Variants in UTRN observed in about 807,000 individuals in gnomAD.
UTRN encodes dystrophin-related protein 1.
UTRN carries 283 observed loss-of-function variants against 463.9 expected under a neutral mutation model. The observed-to-expected ratio is 0.61, with a 90% CI of 0.55 to 0.67. UTRN has a LOEUF of 0.67. Ranked by LOEUF, UTRN falls within the 30% of genes least tolerant of loss-of-function variation. UTRN has a pLI of 0.00. For synonymous variants in UTRN, 1,442 were observed against 1,431.5 expected (o/e 1.01, Z -0.17); for missense variants, 3,922 against 4,084.3 (o/e 0.96, Z 1.08).
At chr6:144,597,853 G>T (rs1803817038) in intron 51 of UTRN, among the ~76,000 whole-genome samples, 1 of 152,010 alleles carries the variant, frequency 6.6e-6, no homozygotes, top group East Asian at 1.9e-4. Flanking sequence ...AATCACATAT[G>T]GTGTGATTCT....
At chr6:144,790,361 A>C (rs1008842492) in intron 62 of UTRN, among the ~76,000 whole-genome samples, 7 of 152,202 alleles carry the variant, frequency 4.6e-5, no homozygotes, top group African/African-American at 1.7e-4. Context: ...AGGATGTTTG[A>C]TTATAGGCCC....
chr6:144,765,539 G>A (rs2128729739), intron 58 of UTRN, among the ~76,000 whole-genome samples: 1 of 152,222 alleles, frequency 6.6e-6, no homozygotes, highest in African/African-American at 2.4e-5. Flanking sequence ...TCAGCCTCCT[G>A]AGTAGCTGGG....
intron 63 of UTRN, 79 bp downstream of exon 63, chr6:144,794,070 C>T (rs1335025054): frequency 6.5e-7 from 1 of 1,537,554 alleles, no homozygotes; most frequent in East Asian, 2.3e-5. Context: ...GAATAGGGAA[C>T]TCGGGCTGGA....
chr6:144,701,254 G>A (rs369426367), intron 53 of UTRN, among the ~76,000 whole-genome samples: 6 of 151,288 alleles, frequency 4.0e-5, no homozygotes, highest in Middle Eastern at 6.8e-3. Flanking sequence ...AAAAGGCATC[G>A]AGTCATAAGG....
intron 65 of UTRN, among the ~76,000 whole-genome samples, chr6:144,808,020 G>A (rs1778294937): frequency 6.6e-6 from 1 of 152,072 alleles, no homozygotes; most frequent in South Asian, 2.1e-4. Flanking sequence ...AAAGTTAATG[G>A]TATGGATTTA....
intron 51 of UTRN, among the ~76,000 whole-genome samples, chr6:144,629,234 A>T (rs1324091993): frequency 6.6e-6 from 1 of 151,942 alleles, no homozygotes; most frequent in Non-Finnish European, 1.5e-5. Context: ...CATAGTTTAA[A>T]AAAAAAAAGC....
intron 60 of UTRN, among the ~76,000 whole-genome samples, chr6:144,781,009 C>T (rs1193515836): frequency 6.6e-6 from 1 of 152,152 alleles, no homozygotes; most frequent in East Asian, 1.9e-4. Flanking sequence ...CAGAAATTTG[C>T]GTATTCCTCT....
chr6:144,777,482 G>C (rs1232022810), intron 60 of UTRN, among the ~76,000 whole-genome samples: 2 of 152,140 alleles, frequency 1.3e-5, no homozygotes, highest in African/African-American at 4.8e-5. Context: ...CCCCATAATT[G>C]TAAGAGGATG....
At chr6:144,792,471 C>T (rs528227300) in intron 62 of UTRN, among the ~76,000 whole-genome samples, 3 of 152,054 alleles carry the variant, frequency 2.0e-5, no homozygotes, top group East Asian at 1.9e-4. Flanking sequence ...TGCTTGAACC[C>T]GGTAGGTGGA....
At chr6:144,434,939 C>G (rs914276961) in intron 9 of UTRN, among the ~76,000 whole-genome samples, 2 of 152,138 alleles carry the variant, frequency 1.3e-5, no homozygotes, top group African/African-American at 4.8e-5. Flanking sequence ...GCACAGTTAT[C>G]ATCAAAAATA....
intron 52 of UTRN, among the ~76,000 whole-genome samples, chr6:144,691,847 AT>A (rs1783450406): frequency 6.6e-6 from 1 of 152,054 alleles, no homozygotes; most frequent in South Asian, 2.1e-4. Flanking sequence ...TGTCTATTTT[AT>A]TTTATTTTTT....
At chr6:144,705,384 A>G (rs1250419623) in intron 53 of UTRN, among the ~76,000 whole-genome samples, 1 of 152,228 alleles carries the variant, frequency 6.6e-6, no homozygotes, top group Non-Finnish European at 1.5e-5. Flanking sequence ...ACAAAATACT[A>G]TAAACTGGGT....
At chr6:144,840,670 A>G in intron 72 of UTRN, 70 bp from the exon 73 acceptor site, 1 of 1,553,154 alleles carries the variant, frequency 6.4e-7, no homozygotes, top group Admixed American at 1.7e-5. Context: ...TTCCTCCTGA[A>G]TTTGGGTTTT....
At chr6:144,622,620 A>G (rs1482849522) in intron 51 of UTRN, among the ~76,000 whole-genome samples, 1 of 152,242 alleles carries the variant, frequency 6.6e-6, no homozygotes, top group Non-Finnish European at 1.5e-5. Context: ...ATGGAATAAT[A>G]ATGTGTCTTT....
At chr6:144,556,952 G>A (rs375072612) in intron 49 of UTRN, among the ~76,000 whole-genome samples, 7 of 152,232 alleles carry the variant, frequency 4.6e-5, no homozygotes, top group African/African-American at 1.4e-4. Context: ...CTATGTACTC[G>A]ATCACTTTCT....
chr6:144,462,973 C>A, intron 23 of UTRN, 107 bp downstream of exon 23: 1 of 950,646 alleles, frequency 1.1e-6, no homozygotes, highest in Non-Finnish European at 1.6e-6. Context: ...CTTTCTAGAT[C>A]CCCATTTATT....
At chr6:144,287,092 C>G (rs1803756413) in intron 1 of UTRN, among the ~76,000 whole-genome samples, 1 of 152,178 alleles carries the variant, frequency 6.6e-6, no homozygotes, top group Non-Finnish European at 1.5e-5. Flanking sequence ...CTCAGGAAGT[C>G]GATCTGGGCC....
chr6:144,748,364 G>A lies in UTRN; in HGVS notation c.8058G>A (p.Val2686=). Residue 2686 remains valine (V), a synonymous_variant, in exon 55 of 75, where the codon GTG becomes GTA. Transcript: ENST00000367545. ...NAVTSNWQKQ[V]DKALEKLRDL... ...TAACTAGCAATTGGCAAAAGCAAGT[G>A]GACAAGGCATTGGAGAAACTCAGAG... 1 of 1,613,802 alleles carries A rather than the reference G, an allele frequency of 6.2e-7. No individual in the cohort carries two copies. Among genetic ancestry groups the A allele is most frequent in the South Asian group, 1.1e-5 (1 of 91,064 alleles).
chr6:144,635,078 A>G (rs1776963848), intron 51 of UTRN, among the ~76,000 whole-genome samples: 1 of 149,434 alleles, frequency 6.7e-6, no homozygotes, highest in Non-Finnish European at 1.5e-5. Context: ...GAATATTGTC[A>G]CCTAGTATGA....
Sources: gnomAD v4.1 joint callset for allele counts (sites outside exome capture counted in the v4.1 genomes callset) on GRCh38, gnomAD v4.1.1 for gene constraint, MANE v1.5 for transcripts, NCBI Gene and HGNC (gene_info 2026-07-23, HGNC 2026-07-21) for gene names.